PDE1A: variants seen among roughly 807,000 people sequenced by gnomAD.
PDE1A encodes the protein dual specificity calcium/calmodulin-dependent 3',5'-cyclic nucleotide phosphodiesterase 1A.
A neutral mutation model predicts 61.7 loss-of-function variants in PDE1A; 35 were observed. That is an observed-to-expected ratio of 0.57 (90% CI 0.43 to 0.75). The LOEUF is 0.75. Ranked by LOEUF, PDE1A falls within the 30% of genes least tolerant of loss-of-function variation. PDE1A has a pLI of 0.00. For missense variants in PDE1A, 597 were observed against 630.6 expected, an observed-to-expected ratio of 0.95 and a Z score of 0.57; for synonymous variants, 232 against 213.2, an observed-to-expected ratio of 1.09 and a Z score of -0.77.
chr2:182,312,733 A>G (rs1158462719), intron 1 of PDE1A, among the ~76,000 whole-genome samples: 1 of 152,026 alleles, frequency 6.6e-6, no homozygotes, highest in Non-Finnish European at 1.5e-5. Flanking sequence ...GGGTAGTGTC[A>G]GTCTTCTAAC....
chr2:182,391,840 C>A (rs2195611), intron 1 of PDE1A, among the ~76,000 whole-genome samples: 83,285 of 152,020 alleles, frequency 0.55, 23,341 homozygotes, highest in East Asian at 0.88. Flanking sequence ...TGAAATTGAT[C>A]GGAGGCCTGC....
At chr2:182,435,005 G>T (rs1704139730) in intron 2 of PDE1A, among the ~76,000 whole-genome samples, 1 of 151,982 alleles carries the variant, frequency 6.6e-6, no homozygotes, top group South Asian at 2.1e-4. Flanking sequence ...CAAAGTAGAA[G>T]AAATTCCTCT....
intron 1 of PDE1A, among the ~76,000 whole-genome samples, chr2:182,351,424 T>C (rs1361497502): frequency 2.0e-5 from 3 of 152,164 alleles, no homozygotes; most frequent in African/African-American, 4.8e-5. Context: ...ACTACGAAAA[T>C]TGTAGGCTGA....
intron 1 of PDE1A, among the ~76,000 whole-genome samples, chr2:182,328,818 A>C (rs1375721291): frequency 2.0e-5 from 3 of 152,176 alleles, no homozygotes; most frequent in Non-Finnish European, 4.4e-5. Flanking sequence ...AAGGACAGGT[A>C]AGTAAGGGTC....
chr2:182,191,579 A>C (rs1685690217), intron 10 of PDE1A, among the ~76,000 whole-genome samples: 1 of 151,970 alleles, frequency 6.6e-6, no homozygotes, highest in Admixed American at 6.6e-5. Context: ...CAGTAGTCTT[A>C]GAATCAGAAG....
At chr2:182,273,245 G>A (rs1693161987) in intron 1 of PDE1A, among the ~76,000 whole-genome samples, 1 of 152,048 alleles carries the variant, frequency 6.6e-6, no homozygotes, top group South Asian at 2.1e-4. Context: ...CACAAGGAAA[G>A]TGACTTAACT....
At chr2:182,528,527 A>G in the PDE1A span, among the ~76,000 whole-genome samples, 2 of 152,370 alleles carry the variant, frequency 1.3e-5, no homozygotes, top group African/African-American at 4.8e-5. Flanking sequence ...TAGAAAGGAA[A>G]AGCACATTTT....
At chr2:182,626,816 T>TATATATATAC in the PDE1A span, among the ~76,000 whole-genome samples, 65 of 23,188 alleles carry the variant, frequency 2.8e-3, 2 homozygotes, top group Non-Finnish European at 5.1e-3. Flanking sequence ...TATATATACA[T>TATATATATAC]ATATATATAC....
chr2:182,500,249 A>T (rs150673091), intron 2 of PDE1A, among the ~76,000 whole-genome samples: 329 of 152,322 alleles, frequency 2.2e-3, no homozygotes, highest in Non-Finnish European at 3.2e-3. Flanking sequence ...AGTGAAGCCA[A>T]TTCAGTCATA....
chr2:182,626,874 TATATATATACACATATATATATAC>T, the PDE1A span, among the ~76,000 whole-genome samples: 5 of 35,518 alleles, frequency 1.4e-4, no homozygotes, highest in Non-Finnish European at 2.3e-4. Context: ...TATATATACA[TATATATATACACATATATATATAC>T]ATATATATAT....
chr2:182,451,378 C>CAAAAAAAAAAAAAA (rs1219608685), intron 2 of PDE1A, among the ~76,000 whole-genome samples: 174 of 12,246 alleles, frequency 0.014, 6 homozygotes, highest in Admixed American at 0.024. Context: ...GACTCCGTCT[C>CAAAAAAAAAAAAAA]AAAAAAAAAA....
At chr2:182,327,227 G>A (rs1056540769) in intron 1 of PDE1A, among the ~76,000 whole-genome samples, 1 of 152,180 alleles carries the variant, frequency 6.6e-6, no homozygotes, top group Non-Finnish European at 1.5e-5. Flanking sequence ...ATTAATGAGT[G>A]TAAGGGAGAG....
chr2:182,541,950 G>C, the PDE1A span, among the ~76,000 whole-genome samples: 40 of 152,148 alleles, frequency 2.6e-4, no homozygotes, highest in African/African-American at 9.4e-4. Flanking sequence ...GGAGAGGCCC[G>C]AATATTAAGA....
intron 2 of PDE1A, among the ~76,000 whole-genome samples, chr2:182,497,870 G>A (rs935439611): frequency 2.6e-5 from 4 of 151,422 alleles, no homozygotes; most frequent in Non-Finnish European, 4.4e-5. Context: ...TTGAAACCCC[G>A]TCTCTACTGA....
the PDE1A span, among the ~76,000 whole-genome samples, chr2:182,706,619 T>C: frequency 2.0e-5 from 3 of 152,084 alleles, no homozygotes; most frequent in Non-Finnish European, 2.9e-5. Flanking sequence ...ACCCATGTTC[T>C]TTCTTTGTTT....
chr2:182,475,094 T>C (rs950207677), intron 2 of PDE1A, among the ~76,000 whole-genome samples: 2 of 151,936 alleles, frequency 1.3e-5, no homozygotes, highest in Non-Finnish European at 2.9e-5. Context: ...GACTTGTCTA[T>C]ACCTTCTTGA....
intron 1 of PDE1A, among the ~76,000 whole-genome samples, chr2:182,360,159 C>T (rs958018539): frequency 2.6e-5 from 4 of 152,062 alleles, no homozygotes; most frequent in South Asian, 2.1e-4. Flanking sequence ...AACATAGATA[C>T]GACTTCTGGA....
chr2:182,400,806 C>T lies in PDE1A; in HGVS notation c.53+25772G>A, dbSNP rs140433950. On this transcript the variant is annotated intron_variant, in intron 1 of 13. Transcript: ENST00000351439. The stretch of plus-strand genomic sequence containing the variant: ...TTGCTGGGGTGAATAATGGCAGGTA[C>T]TATCTTGATTTCCTGCTCTAAACTC... Among the ~76,000 whole-genome samples the T allele has an allele frequency of 9.9e-3, 1,506 of 152,254 alleles. 26 individuals carry two copies. The highest frequency in any genetic ancestry group is 0.034 in the African/African-American group (1,422 of 41,552).
chr2:182,538,027 C>T, the PDE1A span, among the ~76,000 whole-genome samples: 5 of 152,114 alleles, frequency 3.3e-5, no homozygotes, highest in East Asian at 7.7e-4. Flanking sequence ...CACTCTCTTT[C>T]CCACTGATTT....
Sources: gnomAD v4.1 joint callset for allele counts (sites outside exome capture counted in the v4.1 genomes callset) on GRCh38, gnomAD v4.1.1 for gene constraint, MANE v1.5 for transcripts, NCBI Gene and HGNC (gene_info 2026-07-23, HGNC 2026-07-21) for gene names.